The following QTMAN variants were observed in gnomAD, a reference collection of about 807,000 sequenced individuals.
QTMAN encodes queuosine-tRNA mannosyltransferase.
chr2:144,152,228 G>T, the QTMAN span, among the ~76,000 whole-genome samples: 1 of 152,154 alleles, frequency 6.6e-6, no homozygotes, highest in Non-Finnish European at 1.5e-5. Context: ...AGAAGGTAGG[G>T]AATCAAAGAC....
chr2:144,064,945 G>A, the QTMAN span, among the ~76,000 whole-genome samples: 1 of 152,150 alleles, frequency 6.6e-6, no homozygotes, highest in Non-Finnish European at 1.5e-5. Context: ...AGGGACTGAG[G>A]AGGAGAGGGG....
At chr2:144,087,608 A>C in the QTMAN span, among the ~76,000 whole-genome samples, 1 of 152,034 alleles carries the variant, frequency 6.6e-6, no homozygotes, top group Admixed American at 6.6e-5. Flanking sequence ...ATCAAAAAGG[A>C]TTTATACCTT....
the QTMAN span, among the ~76,000 whole-genome samples, chr2:144,270,770 T>C: frequency 1.3e-5 from 2 of 152,180 alleles, no homozygotes; most frequent in South Asian, 2.1e-4. Flanking sequence ...CATGTATACC[T>C]TTGTAACAAA....
the QTMAN span, among the ~76,000 whole-genome samples, chr2:144,284,377 T>C: frequency 6.6e-6 from 1 of 152,008 alleles, no homozygotes; most frequent in African/African-American, 2.4e-5. Flanking sequence ...CTACATGATA[T>C]ATAAAATTTA....
At chr2:144,037,445 T>C in the QTMAN span, among the ~76,000 whole-genome samples, 1 of 152,156 alleles carries the variant, frequency 6.6e-6, no homozygotes, top group Admixed American at 6.5e-5. Flanking sequence ...CCACCTTGTA[T>C]CCAGACTTGG....
chr2:144,237,869 T>G, the QTMAN span, among the ~76,000 whole-genome samples: 4 of 152,226 alleles, frequency 2.6e-5, no homozygotes, highest in Non-Finnish European at 5.9e-5. Context: ...GGAAGCCAGC[T>G]GCCAGCTGCC....
the QTMAN span, among the ~76,000 whole-genome samples, chr2:144,064,751 G>A: frequency 6.6e-6 from 1 of 152,330 alleles, no homozygotes; most frequent in East Asian, 1.9e-4. Flanking sequence ...CAGGGGCAGA[G>A]AGAACTGTGG....
the QTMAN span, among the ~76,000 whole-genome samples, chr2:144,305,023 A>G: frequency 6.6e-6 from 1 of 152,220 alleles, no homozygotes; most frequent in African/African-American, 2.4e-5. Context: ...TATAACTGAC[A>G]AATATGTTCT....
the QTMAN span, among the ~76,000 whole-genome samples, chr2:144,136,444 G>T: frequency 6.9e-6 from 1 of 145,552 alleles, no homozygotes; most frequent in Non-Finnish European, 1.5e-5. Context: ...GGAAAAGAAA[G>T]GAAAGGAGAA....
chr2:144,295,545 T>A, the QTMAN span, among the ~76,000 whole-genome samples: 1 of 152,196 alleles, frequency 6.6e-6, no homozygotes, highest in Admixed American at 6.5e-5. Flanking sequence ...CAGAAGTGAT[T>A]CAGCTCTCAT....
the QTMAN span, among the ~76,000 whole-genome samples, chr2:144,022,032 G>C: frequency 2.2e-5 from 3 of 137,486 alleles, no homozygotes; most frequent in Non-Finnish European, 4.6e-5. Context: ...TATGGGGCAG[G>C]GGGGTAGGGA....
At chr2:143,952,026 T>A in the QTMAN span, 1 of 1,605,328 alleles carries the variant, frequency 6.2e-7, no homozygotes, top group Non-Finnish European at 8.5e-7. Flanking sequence ...TTGCAGAAAT[T>A]CTGGAGCCTT....
chr2:143,985,920 AT>A, the QTMAN span, among the ~76,000 whole-genome samples: 1 of 152,214 alleles, frequency 6.6e-6, no homozygotes, highest in Non-Finnish European at 1.5e-5. Flanking sequence ...TTTGGGAAGT[AT>A]TTAAATGAGG....
chr2:144,246,148 A>G, the QTMAN span, among the ~76,000 whole-genome samples: 1 of 152,242 alleles, frequency 6.6e-6, no homozygotes, highest in Non-Finnish European at 1.5e-5. Flanking sequence ...ATATATGAGT[A>G]CATATGCACA....
the QTMAN span, among the ~76,000 whole-genome samples, chr2:143,972,194 A>G: frequency 6.6e-6 from 1 of 152,204 alleles, no homozygotes; most frequent in African/African-American, 2.4e-5. Flanking sequence ...GTTTGAAAGT[A>G]AAGAATATGC....
the QTMAN span, among the ~76,000 whole-genome samples, chr2:144,136,460 GAAGGAGA>G: frequency 9.0e-5 from 12 of 134,074 alleles, no homozygotes; most frequent in Non-Finnish European, 3.3e-5. Context: ...GAGAAAGGAG[GAAGGAGA>G]AAGGAGAAAA....
At chr2:144,272,377 C>T in the QTMAN span, among the ~76,000 whole-genome samples, 1 of 152,022 alleles carries the variant, frequency 6.6e-6, no homozygotes, top group Non-Finnish European at 1.5e-5. Flanking sequence ...CCAAACAATT[C>T]CCTATAAACT....
At chr2:144,211,294 T>C in the QTMAN span, 4 of 152,608 alleles carry the variant, frequency 2.6e-5, no homozygotes, top group South Asian at 8.3e-4. Context: ...TCCACCCCTC[T>C]GACAGCTCAG....
At chr2:144,235,170 T>G in the QTMAN span, among the ~76,000 whole-genome samples, 3 of 152,162 alleles carry the variant, frequency 2.0e-5, no homozygotes, top group Non-Finnish European at 4.4e-5. Context: ...GATGTCTGGC[T>G]GGCCTTAGTT....
Sources: allele counts gnomAD v4.1 joint callset (sites outside exome capture counted in the v4.1 genomes callset), GRCh38; gene constraint gnomAD v4.1.1; transcripts MANE v1.5; gene names NCBI Gene and HGNC (gene_info 2026-07-23, HGNC 2026-07-21).